The following TENM3 variants were observed in gnomAD, a reference collection of about 807,000 sequenced individuals.
TENM3 encodes teneurin-3.
In TENM3, 63 loss-of-function variants were observed where a neutral mutation model predicts 255.1. That is an observed-to-expected ratio of 0.25 (90% CI 0.20 to 0.30). The LOEUF (loss-of-function observed/expected upper bound fraction) is 0.30, where lower values mean the gene tolerates loss of function less well. Among genes scored for constraint, TENM3 ranks in the 10% least tolerant of loss-of-function variants. The probability of loss-of-function intolerance (pLI) is 1.00; values close to 1 mark genes in which losing one functional copy is unlikely to be tolerated. For missense variants in TENM3, 2,929 were observed against 3,461.1 expected (o/e 0.85, Z 3.86); for synonymous variants, 1,306 against 1,322.3 (o/e 0.99, Z 0.27).
chr4:181,543,675 T>C, the TENM3 span, among the ~76,000 whole-genome samples: 1 of 152,220 alleles, frequency 6.6e-6, no homozygotes, highest in African/African-American at 2.4e-5. Flanking sequence ...TGAGTATCAA[T>C]TATAAAACAG....
At chr4:182,387,478 G>T (rs188268345) in intron 3 of TENM3, among the ~76,000 whole-genome samples, 1 of 152,228 alleles carries the variant, frequency 6.6e-6, no homozygotes, top group Admixed American at 6.5e-5. Flanking sequence ...ATGTGGGTGG[G>T]GCCACATAAG....
the TENM3 span, among the ~76,000 whole-genome samples, chr4:181,964,066 G>T: frequency 7.1e-6 from 1 of 140,060 alleles, no homozygotes; most frequent in African/African-American, 2.9e-5. Flanking sequence ...ATGACCTTCC[G>T]ATTTTTTTTT....
chr4:182,632,431 CTA>C (rs1034012830), intron 5 of TENM3, among the ~76,000 whole-genome samples: 2 of 152,074 alleles, frequency 1.3e-5, no homozygotes, highest in African/African-American at 4.8e-5. Flanking sequence ...ATTTATCTGT[CTA>C]TATTTTATTA....
At chr4:182,776,612 A>G (rs1019937600) in intron 24 of TENM3, among the ~76,000 whole-genome samples, 1 of 152,160 alleles carries the variant, frequency 6.6e-6, no homozygotes, top group Non-Finnish European at 1.5e-5. Context: ...GTTCTTGGAG[A>G]CAAGTTATAA....
intron 3 of TENM3, among the ~76,000 whole-genome samples, chr4:182,565,147 G>A (rs992738972): frequency 5.3e-5 from 8 of 152,236 alleles, no homozygotes; most frequent in African/African-American, 1.4e-4. Flanking sequence ...TAAAGTACAC[G>A]TCTTAATGGA....
At chr4:182,281,555 A>C (rs1340828437) in intron 1 of TENM3, among the ~76,000 whole-genome samples, 2 of 152,036 alleles carry the variant, frequency 1.3e-5, no homozygotes, top group East Asian at 3.9e-4. Flanking sequence ...AGGTCTTGCT[A>C]TATTGCCCGG....
At chr4:182,578,613 G>A (rs1178293769) in intron 3 of TENM3, among the ~76,000 whole-genome samples, 1 of 148,522 alleles carries the variant, frequency 6.7e-6, no homozygotes. Context: ...TGGCCCTTAA[G>A]AAAATAGTCA....
chr4:181,873,631 G>A, the TENM3 span, among the ~76,000 whole-genome samples: 1 of 151,926 alleles, frequency 6.6e-6, no homozygotes, highest in Non-Finnish European at 1.5e-5. Flanking sequence ...TCTATTTTTG[G>A]AGATTTATTT....
At chr4:182,773,302 G>A (rs1056676981) in intron 22 of TENM3, among the ~76,000 whole-genome samples, 170 bp from the exon 23 acceptor site, 4 of 152,148 alleles carry the variant, frequency 2.6e-5, no homozygotes, top group African/African-American at 9.7e-5. Flanking sequence ...ATGTTAAACG[G>A]GTTTTTGATT....
the TENM3 span, among the ~76,000 whole-genome samples, chr4:181,614,844 A>T: frequency 2.6e-5 from 4 of 152,226 alleles, no homozygotes; most frequent in Non-Finnish European, 4.4e-5. Flanking sequence ...CTCCAGGCTC[A>T]TTTAAGCTCT....
At chr4:182,760,492 A>C (rs1330047634) in intron 22 of TENM3, among the ~76,000 whole-genome samples, 2 of 152,154 alleles carry the variant, frequency 1.3e-5, no homozygotes, top group Non-Finnish European at 2.9e-5. Flanking sequence ...AGAAGACAAC[A>C]TGAAAAACTA....
At chr4:181,747,895 T>A in the TENM3 span, among the ~76,000 whole-genome samples, 2 of 152,062 alleles carry the variant, frequency 1.3e-5, no homozygotes, top group East Asian at 3.8e-4. Flanking sequence ...ATATTCCATT[T>A]ATTTCAAATA....
chr4:182,679,403 G>A (rs925312029), intron 7 of TENM3, among the ~76,000 whole-genome samples: 1 of 152,078 alleles, frequency 6.6e-6, no homozygotes, highest in Non-Finnish European at 1.5e-5. Flanking sequence ...TCAGTCAGTA[G>A]AATTAAATAA....
chr4:182,075,173 G>A, the TENM3 span, among the ~76,000 whole-genome samples: 2 of 149,660 alleles, frequency 1.3e-5, no homozygotes, highest in African/African-American at 4.9e-5. Context: ...AGATTTGTAT[G>A]TAAAACAGTG....
the TENM3 span, among the ~76,000 whole-genome samples, chr4:182,136,094 A>G: frequency 1.3e-5 from 2 of 152,182 alleles, no homozygotes; most frequent in African/African-American, 4.8e-5. Flanking sequence ...ATATCTACAT[A>G]GACTCTTAGT....
rs376619281 is a variant in TENM3, at chr4:182,712,437, A to C, written c.2222-1650A>C. ...TCAACCTTTCGTTTTCATTAAAAAA[A>C]AAAAAAAAAAAACACATCCATAAGG... On this transcript the variant is annotated intron_variant, in intron 12 of 27. Coordinates refer to ENST00000511685, the MANE Select transcript of TENM3 (RefSeq NM_001080477.4). Among the ~76,000 whole-genome samples the C allele has an allele frequency of 7.2e-3, 1,086 of 149,918 alleles. 7 individuals carry two copies. Among genetic ancestry groups the C allele is most frequent in the Middle Eastern group, 0.014 (4 of 288 alleles).
chr4:182,009,935 C>CT, the TENM3 span, among the ~76,000 whole-genome samples: 7 of 76,784 alleles, frequency 9.1e-5, no homozygotes, highest in East Asian at 7.0e-4. Flanking sequence ...CCTCCCTTGG[C>CT]TGGGGGGAGG....
chr4:182,098,361 A>G, the TENM3 span, among the ~76,000 whole-genome samples: 3 of 152,224 alleles, frequency 2.0e-5, no homozygotes, highest in African/African-American at 2.4e-5. Flanking sequence ...GGAAATCAGT[A>G]TATCATGGAG....
the TENM3 span, among the ~76,000 whole-genome samples, chr4:181,808,628 A>G: frequency 6.6e-6 from 1 of 152,206 alleles, no homozygotes. Context: ...GCCTGCCTAC[A>G]TATTCCCTTC....
Sources: allele counts gnomAD v4.1 joint callset (sites outside exome capture counted in the v4.1 genomes callset), GRCh38; gene constraint gnomAD v4.1.1; transcripts MANE v1.5; gene names NCBI Gene and HGNC (gene_info 2026-07-23, HGNC 2026-07-21).